VPS13D: variants seen among roughly 807,000 people sequenced by gnomAD.
VPS13D encodes the protein intermembrane lipid transfer protein VPS13D.
VPS13D carries 187 observed loss-of-function variants against 461.9 expected under a neutral mutation model. The ratio of observed to expected loss-of-function variants is 0.40; its 90% CI spans 0.36 to 0.46. The LOEUF (loss-of-function observed/expected upper bound fraction) is 0.46, where lower values mean the gene tolerates loss of function less well. Among genes scored for constraint, VPS13D ranks in the 20% least tolerant of loss-of-function variants. The probability of loss-of-function intolerance (pLI) is 0.60; values close to 1 mark genes in which losing one functional copy is unlikely to be tolerated. For missense variants in VPS13D, 4,711 were observed against 5,364.9 expected, an observed-to-expected ratio of 0.88 and a Z score of 3.81; for synonymous variants, 1,951 against 1,986.3, an observed-to-expected ratio of 0.98 and a Z score of 0.47.
chr1:12,348,495 T>G (rs2101588288), intron 44 of VPS13D, among the ~76,000 whole-genome samples: 1 of 152,344 alleles, frequency 6.6e-6, no homozygotes, highest in South Asian at 2.1e-4. Flanking sequence ...TTTGGAAAAT[T>G]GGATAGGTTA....
chr1:12,307,039 C>T (rs190029806), intron 26 of VPS13D, among the ~76,000 whole-genome samples: 1 of 152,172 alleles, frequency 6.6e-6, no homozygotes, highest in Non-Finnish European at 1.5e-5. Context: ...TTCCTTACCC[C>T]CTTCTAGCAG....
At chr1:12,231,221 C>T (rs1464416980) in intron 1 of VPS13D, among the ~76,000 whole-genome samples, 2 of 152,208 alleles carry the variant, frequency 1.3e-5, no homozygotes, top group African/African-American at 2.4e-5. Context: ...CAGTGCCAGG[C>T]AGCTGCCTAG....
chr1:12,345,383 T>C lies in VPS13D; in HGVS notation c.8895T>C (p.His2965=). 6.2e-7 allele frequency: 1 copy of C among 1,611,688 alleles called. No homozygotes were observed. The highest frequency in any genetic ancestry group is 1.7e-4 in the Middle Eastern group (1 of 6,054). The stretch of plus-strand genomic sequence containing the variant: ...TTGTTCTGCCTGACAGACACACCCA[T>C]GACCTCCGGATTCATCAACTGCAAG... ...ARGKLRHRHT[H]DLRIHQLQVR... is the part of the protein sequence containing the mutation. The change falls in exon 43 of 70, where the codon CAT becomes CAC. Residue 2965 remains histidine, a synonymous_variant. Coordinates refer to ENST00000620676, the MANE Select transcript of VPS13D (RefSeq NM_015378.4).
intron 24 of VPS13D, among the ~76,000 whole-genome samples, chr1:12,294,541 T>C (rs1251441351): frequency 6.6e-6 from 1 of 152,176 alleles, no homozygotes; most frequent in African/African-American, 2.4e-5. Flanking sequence ...CAGCCGGGTG[T>C]GGTGGCTCAC....
intron 7 of VPS13D, among the ~76,000 whole-genome samples, chr1:12,255,723 T>TAAA (rs1234209317): frequency 6.6e-6 from 1 of 151,562 alleles, no homozygotes; most frequent in Non-Finnish European, 1.5e-5. Flanking sequence ...AAACCCCATC[T>TAAA]GTACTAAAAA....
intron 18 of VPS13D, among the ~76,000 whole-genome samples, chr1:12,274,681 CT>C (rs1641555807): frequency 6.6e-6 from 1 of 152,228 alleles, no homozygotes; most frequent in Non-Finnish European, 1.5e-5. Flanking sequence ...ATTGTGGACT[CT>C]GGGGCCACAC....
chr1:12,377,025 G>T (rs931550083), intron 55 of VPS13D, among the ~76,000 whole-genome samples: 5 of 151,620 alleles, frequency 3.3e-5, no homozygotes, highest in Non-Finnish European at 7.4e-5. Flanking sequence ...TCACTGGATT[G>T]TTTGCAGCAG....
At chr1:12,291,517 A>G (rs752945651) in intron 23 of VPS13D, among the ~76,000 whole-genome samples, 35 of 152,250 alleles carry the variant, frequency 2.3e-4, no homozygotes, top group Non-Finnish European at 4.1e-4. Flanking sequence ...TAGCTACTTG[A>G]GAGGCTGAGG....
intron 2 of VPS13D, among the ~76,000 whole-genome samples, chr1:12,237,251 A>G (rs1271040894): frequency 3.3e-5 from 5 of 152,080 alleles, no homozygotes; most frequent in Admixed American, 3.3e-4. Context: ...AAAAAAATAC[A>G]AAGTAACATG....
At chr1:12,264,592 A>G (rs1641209465) in intron 13 of VPS13D, among the ~76,000 whole-genome samples, 1 of 152,266 alleles carries the variant, frequency 6.6e-6, no homozygotes, top group African/African-American at 2.4e-5. Flanking sequence ...AATGCACAGC[A>G]AGGCCTTAAC....
intron 65 of VPS13D, among the ~76,000 whole-genome samples, chr1:12,433,279 C>CA (rs1005521810): frequency 7.7e-4 from 117 of 151,430 alleles, no homozygotes; most frequent in African/African-American, 2.7e-3. Context: ...AACAAAAAAA[C>CA]AAAAAAACAA....
At chr1:12,474,811 G>A (rs1280085954) in intron 67 of VPS13D, among the ~76,000 whole-genome samples, 1 of 152,184 alleles carries the variant, frequency 6.6e-6, no homozygotes, top group Admixed American at 6.5e-5. Flanking sequence ...AGGCAAGGGA[G>A]GTAGCTCTTG....
At chr1:12,448,085 G>A (rs1216415688) in intron 65 of VPS13D, among the ~76,000 whole-genome samples, 1 of 152,080 alleles carries the variant, frequency 6.6e-6, no homozygotes, top group Non-Finnish European at 1.5e-5. Context: ...GGTCGCCGTG[G>A]GTAACTCCAT....
chr1:12,360,068 C>T (rs191342236), intron 50 of VPS13D, among the ~76,000 whole-genome samples: 2 of 152,238 alleles, frequency 1.3e-5, no homozygotes, highest in African/African-American at 4.8e-5. Flanking sequence ...TTGAGCAAAC[C>T]GATCAGACAT....
intron 16 of VPS13D, among the ~76,000 whole-genome samples, chr1:12,269,481 A>G (rs927171478): frequency 2.0e-5 from 3 of 152,228 alleles, no homozygotes; most frequent in African/African-American, 7.2e-5. Context: ...TTATTTCACT[A>G]TGACAGTGGT....
chr1:12,373,445 G>T (rs1184146643), intron 54 of VPS13D, among the ~76,000 whole-genome samples: 4 of 151,172 alleles, frequency 2.6e-5, no homozygotes, highest in Non-Finnish European at 4.4e-5. Context: ...TTTTTTTGGT[G>T]GGGGGGCCTC....
intron 65 of VPS13D, among the ~76,000 whole-genome samples, chr1:12,435,641 G>A (rs1035707237): frequency 1.3e-5 from 2 of 151,932 alleles, no homozygotes; most frequent in Admixed American, 1.3e-4. Context: ...GTTACAAGGA[G>A]AGCCAGGCTA....
At chr1:12,506,073 C>T (rs907213420) in intron 68 of VPS13D, among the ~76,000 whole-genome samples, 2 of 152,202 alleles carry the variant, frequency 1.3e-5, no homozygotes, top group Non-Finnish European at 2.9e-5. Context: ...TGTCCCTGGA[C>T]ACTGCAGCCC....
chr1:12,327,709 C>T lies in VPS13D; in HGVS notation c.8052C>T (p.Ser2684=), dbSNP rs28687897. 1,709 of 1,614,092 alleles carry T rather than the reference C, an allele frequency of 1.1e-3. 17 individuals are homozygous for T. The African/African-American group carries it at 0.02, about 19-fold the overall frequency. ...ATGCGGAACCTCTGAAGTCTCTTTC[C>T]TTGGCCTCCACCAGCCGAGATAGCC... ...FKNAEPLKSL[S]LASTSRDSPG... The change falls in exon 36 of 70, where the codon TCC becomes TCT. Residue 2684 remains serine (S), a synonymous_variant. Coordinates refer to ENST00000620676, the MANE Select transcript of VPS13D (RefSeq NM_015378.4).
Sources: gnomAD v4.1 joint callset for allele counts (sites outside exome capture counted in the v4.1 genomes callset) on GRCh38, gnomAD v4.1.1 for gene constraint, MANE v1.5 for transcripts, NCBI Gene and HGNC (gene_info 2026-07-23, HGNC 2026-07-21) for gene names.